Variants in CENPK observed in about 807,000 individuals in gnomAD.
The protein encoded by CENPK is SoxLZ/Sox6-binding protein Solt.
In CENPK, 46 loss-of-function variants were observed where a neutral mutation model predicts 40.9. The observed-to-expected ratio is 1.13, with a 90% CI of 0.89 to 1.44. CENPK has a LOEUF of 1.44. Ranked by LOEUF, CENPK falls within the 40% of genes most tolerant of loss-of-function variation. CENPK has a pLI of 0.00. For synonymous variants in CENPK, 107 were observed against 104.4 expected (o/e 1.02, Z -0.15); for missense variants, 288 against 303.5 (o/e 0.95, Z 0.38).
At chr5:65,509,210 T>C in the CENPK span, among the ~76,000 whole-genome samples, 1 of 152,168 alleles carries the variant, frequency 6.6e-6, no homozygotes, top group African/African-American at 2.4e-5. Context: ...AGGCAGATTC[T>C]CAGTTATAAA....
At chr5:65,556,551 T>C (rs894396544) in intron 2 of CENPK, among the ~76,000 whole-genome samples, 3 of 152,172 alleles carry the variant, frequency 2.0e-5, no homozygotes, top group Non-Finnish European at 4.4e-5. Flanking sequence ...GCTGTTTTTA[T>C]GAAAGAGTTG....
chr5:65,562,221 A>C (rs1053452715), intron 1 of CENPK, among the ~76,000 whole-genome samples: 3 of 152,204 alleles, frequency 2.0e-5, no homozygotes, highest in South Asian at 2.1e-4. Context: ...GAGAAGCTGT[A>C]AACATGAAGG....
intron 3 of CENPK, among the ~76,000 whole-genome samples, chr5:65,553,803 T>C (rs1750524431): frequency 1.3e-5 from 2 of 152,236 alleles, no homozygotes; most frequent in African/African-American, 4.8e-5. Flanking sequence ...GCTTCCTAAA[T>C]GCTTTCTATC....
intron 5 of CENPK, among the ~76,000 whole-genome samples, chr5:65,548,404 C>A (rs992780647): frequency 1.7e-4 from 26 of 152,296 alleles, no homozygotes; most frequent in African/African-American, 6.3e-4. Flanking sequence ...GGCCTTATCT[C>A]AGTGTTAATG....
At chr5:65,537,329 G>T (rs1053430736) in intron 6 of CENPK, among the ~76,000 whole-genome samples, 1 of 151,984 alleles carries the variant, frequency 6.6e-6, no homozygotes, top group African/African-American at 2.4e-5. Flanking sequence ...TTTTGAGACG[G>T]AGTCTCGCTC....
the CENPK span, among the ~76,000 whole-genome samples, chr5:65,503,966 AT>A: frequency 0.044 from 5,138 of 115,810 alleles, 143 homozygotes; most frequent in East Asian, 0.12. Context: ...TGCTAAAAAA[AT>A]TTTTTTTTTT....
intron 1 of CENPK, among the ~76,000 whole-genome samples, chr5:65,562,479 T>G (rs1752181755): frequency 6.6e-6 from 1 of 152,148 alleles, no homozygotes; most frequent in Non-Finnish European, 1.5e-5. Context: ...GAGAAGAGAT[T>G]TACGACGAGG....
At chr5:65,533,973 G>A (rs1412170436) in intron 6 of CENPK, among the ~76,000 whole-genome samples, 4 of 148,430 alleles carry the variant, frequency 2.7e-5, no homozygotes, top group Non-Finnish European at 4.4e-5. Flanking sequence ...GCGTGAACCC[G>A]GGAGGTGGAG....
chr5:65,498,105 C>T, the CENPK span, among the ~76,000 whole-genome samples: 1 of 152,018 alleles, frequency 6.6e-6, no homozygotes. Flanking sequence ...TTTGCATCTA[C>T]GTTCATAAGA....
chr5:65,502,923 A>C, the CENPK span, among the ~76,000 whole-genome samples: 31 of 151,930 alleles, frequency 2.0e-4, 1 homozygote, highest in East Asian at 7.7e-4. Flanking sequence ...CTCCTGATTC[A>C]GCCTCCCGAG....
intron 6 of CENPK, among the ~76,000 whole-genome samples, chr5:65,538,921 T>C (rs1747451394): frequency 6.6e-6 from 1 of 152,206 alleles, no homozygotes; most frequent in Non-Finnish European, 1.5e-5. Flanking sequence ...ACACTTGAAC[T>C]CTGAGTTTTG....
At chr5:65,514,575 T>C (rs1742739702), downstream of CENPK, among the ~76,000 whole-genome samples, 2 of 152,104 alleles carry the variant, frequency 1.3e-5, no homozygotes, top group Admixed American at 1.3e-4. Context: ...TCACAGAGTG[T>C]GTTAAAGCAT....
At chr5:65,521,620 GAC>G (rs1387164416) in intron 9 of CENPK, 92 bp from the exon 10 acceptor site, 2 of 896,724 alleles carry the variant, frequency 2.2e-6, no homozygotes, top group Middle Eastern at 2.5e-4. Flanking sequence ...TTATTTCTGA[GAC>G]AGAGTTTCAT....
At chr5:65,507,850 T>C in the CENPK span, among the ~76,000 whole-genome samples, 2 of 152,222 alleles carry the variant, frequency 1.3e-5, no homozygotes, top group African/African-American at 4.8e-5. Flanking sequence ...TCCTCCAATT[T>C]GAGTTTATCG....
the CENPK span, among the ~76,000 whole-genome samples, chr5:65,507,504 C>T: frequency 6.2e-3 from 944 of 152,184 alleles, 7 homozygotes; most frequent in African/African-American, 0.02. Context: ...TTGATTTGCA[C>T]GGTCATATTA....
chr5:65,539,763 G>C (rs1184065376), intron 6 of CENPK, among the ~76,000 whole-genome samples: 1 of 152,240 alleles, frequency 6.6e-6, no homozygotes, highest in Non-Finnish European at 1.5e-5. Context: ...GCTCTGCCAG[G>C]AGGCTCCTTC....
intron 3 of CENPK, among the ~76,000 whole-genome samples, chr5:65,554,586 T>A (rs1196367934): frequency 6.6e-6 from 1 of 152,230 alleles, no homozygotes; most frequent in Non-Finnish European, 1.5e-5. Context: ...GTAATCTCCT[T>A]GGGAGCATGG....
In CENPK at chr5:65,559,885, A is replaced by C. The variant is rs559349216; in HGVS notation, c.-40+1578T>G. The stretch of plus-strand genomic sequence containing the variant: ...GGAGAAAAAAATAATCCAAATAGAT[A>C]TATATTTTATATATAATACTGTTTT... On this transcript the variant is annotated intron_variant, in intron 2 of 10. Coordinates refer to ENST00000396679, the MANE Select transcript of CENPK (RefSeq NM_022145.5). 1.3e-3 allele frequency among the ~76,000 whole-genome samples: 198 copies of C among 152,100 alleles called. 2 individuals are homozygous for C. Among genetic ancestry groups the C allele is most frequent in the African/African-American group, 4.7e-3 (194 of 41,542 alleles).
At chr5:65,546,915 T>C (rs1323190533) in intron 5 of CENPK, among the ~76,000 whole-genome samples, 4 of 152,208 alleles carry the variant, frequency 2.6e-5, no homozygotes, top group Non-Finnish European at 5.9e-5. Flanking sequence ...TATACTAATA[T>C]GGAAGTTATT....
Sources: gnomAD v4.1 joint callset for allele counts (sites outside exome capture counted in the v4.1 genomes callset) on GRCh38, gnomAD v4.1.1 for gene constraint, MANE v1.5 for transcripts, NCBI Gene and HGNC (gene_info 2026-07-23, HGNC 2026-07-21) for gene names.